Variants in RBFOX1 observed in about 807,000 individuals in gnomAD.
RBFOX1 encodes the protein RNA binding protein fox-1 homolog 1.
A neutral mutation model predicts 57.7 loss-of-function variants in RBFOX1; 8 were observed. The ratio of observed to expected loss-of-function variants is 0.14; its 90% CI spans 0.08 to 0.25. RBFOX1 has a LOEUF of 0.25. RBFOX1 is among the 10% of genes least tolerant of loss of function. RBFOX1 has a pLI of 1.00. For synonymous variants in RBFOX1, 326 were observed against 222.4 expected (o/e 1.47, Z -4.15); for missense variants, 611 against 548.5 (o/e 1.11, Z -1.14).
In RBFOX1 at chr16:6,882,342, C is replaced by T. The variant is rs374751995; in HGVS notation, c.-15-169715C>T. Among the ~76,000 whole-genome samples the T allele has an allele frequency of 9.2e-5, 14 of 152,254 alleles. 2 individuals carry two copies. Among genetic ancestry groups the T allele is most frequent in the East Asian group, 1.9e-4 (1 of 5,162 alleles). ...TGTTTGCAATTCTGGCTACTTTTAG[C>T]AGTGAGCAGTATAATTACAGTTTAG... On this transcript the variant is annotated intron_variant, in intron 3 of 15. Transcript: ENST00000550418.
intron 1 of RBFOX1, among the ~76,000 whole-genome samples, chr16:5,408,114 T>G (rs772316965): frequency 3.3e-5 from 5 of 152,166 alleles, no homozygotes; most frequent in Non-Finnish European, 5.9e-5. Context: ...CACACGTTCC[T>G]CCTCCTGTCC....
chr16:6,079,520 T>A (rs955534516), intron 1 of RBFOX1, among the ~76,000 whole-genome samples: 1 of 152,148 alleles, frequency 6.6e-6, no homozygotes, highest in Non-Finnish European at 1.5e-5. Context: ...GATGAGGTCT[T>A]GCTGTGTTGT....
At chr16:6,952,723 A>G (rs2081018224) in intron 3 of RBFOX1, among the ~76,000 whole-genome samples, 1 of 152,164 alleles carries the variant, frequency 6.6e-6, no homozygotes, top group African/African-American at 2.4e-5. Context: ...CATGCCTGTC[A>G]GCTCAGCACT....
intron 4 of RBFOX1, among the ~76,000 whole-genome samples, chr16:7,373,229 G>T (rs1164718221): frequency 1.3e-5 from 2 of 152,116 alleles, no homozygotes; most frequent in Non-Finnish European, 2.9e-5. Flanking sequence ...CACCGCGTCT[G>T]GCTGAAATTG....
intron 4 of RBFOX1, among the ~76,000 whole-genome samples, chr16:7,386,499 G>A (rs2097884984): frequency 6.6e-6 from 1 of 151,560 alleles, no homozygotes; most frequent in African/African-American, 2.4e-5. Context: ...TCTTGTGTTA[G>A]TTTGATGAGA....
At chr16:6,611,144 G>A (rs1320530506) in intron 2 of RBFOX1, among the ~76,000 whole-genome samples, 1 of 152,022 alleles carries the variant, frequency 6.6e-6, no homozygotes, top group Non-Finnish European at 1.5e-5. Context: ...TAGTCTTTGT[G>A]TAGTTATTTT....
intron 10 of RBFOX1, among the ~76,000 whole-genome samples, chr16:7,609,853 T>C (rs947124002): frequency 1.3e-5 from 2 of 152,062 alleles, no homozygotes; most frequent in African/African-American, 4.8e-5. Context: ...AGTTTTGCTC[T>C]GTCTCCCAGG....
chr16:5,712,989 T>C (rs1325131552), intron 3 of RBFOX1, among the ~76,000 whole-genome samples: 1 of 152,178 alleles, frequency 6.6e-6, no homozygotes, highest in East Asian at 1.9e-4. Flanking sequence ...TAGTAGTACA[T>C]GCTGGTGGTT....
intron 4 of RBFOX1, among the ~76,000 whole-genome samples, chr16:7,078,863 C>CT (rs57410575): frequency 0.061 from 3,211 of 52,616 alleles, 760 homozygotes; most frequent in African/African-American, 0.18. Flanking sequence ...ATATATATAC[C>CT]TTTTTTTTTT....
intron 2 of RBFOX1, among the ~76,000 whole-genome samples, chr16:6,417,499 C>A (rs550686457): frequency 2.8e-5 from 4 of 143,620 alleles, no homozygotes; most frequent in African/African-American, 1.0e-4. Flanking sequence ...AAGCAATTCT[C>A]CTGCCTCAGC....
At chr16:6,996,681 G>T (rs933275651) in intron 3 of RBFOX1, among the ~76,000 whole-genome samples, 4 of 152,210 alleles carry the variant, frequency 2.6e-5, no homozygotes, top group African/African-American at 9.6e-5. Context: ...GAGGTAGTAA[G>T]TGGCAGGATT....
chr16:6,230,719 G>A (rs2097452681), intron 1 of RBFOX1, among the ~76,000 whole-genome samples: 2 of 152,150 alleles, frequency 1.3e-5, no homozygotes, highest in South Asian at 4.1e-4. Context: ...TATCTTATGC[G>A]GATAGCTTAA....
At chr16:6,238,964 C>G (rs1017859137) in intron 1 of RBFOX1, among the ~76,000 whole-genome samples, 2 of 152,096 alleles carry the variant, frequency 1.3e-5, no homozygotes, top group African/African-American at 4.8e-5. Flanking sequence ...CATAGTCACC[C>G]TGTTGTGCTG....
chr16:7,156,921 A>G (rs1456698699), intron 4 of RBFOX1, among the ~76,000 whole-genome samples: 1 of 152,144 alleles, frequency 6.6e-6, no homozygotes, highest in Non-Finnish European at 1.5e-5. Context: ...ACATTCCTAT[A>G]ATATATGTGA....
chr16:5,535,604 A>T (rs556250396), intron 2 of RBFOX1, among the ~76,000 whole-genome samples: 2 of 152,134 alleles, frequency 1.3e-5, no homozygotes, highest in Non-Finnish European at 2.9e-5. Context: ...CCACTGGGTC[A>T]TGCTTCTCTT....
chr16:6,089,861 A>G (rs1263887493), intron 1 of RBFOX1, among the ~76,000 whole-genome samples: 1 of 152,242 alleles, frequency 6.6e-6, no homozygotes, highest in African/African-American at 2.4e-5. Flanking sequence ...TTAAGAACAC[A>G]CAAACTCAAA....
chr16:6,470,699 AC>A (rs1271012095), intron 2 of RBFOX1, among the ~76,000 whole-genome samples: 15 of 152,196 alleles, frequency 9.9e-5, no homozygotes, highest in African/African-American at 3.6e-4. Context: ...ATGCCCCTGA[AC>A]CTGGTCATCG....
intron 2 of RBFOX1, among the ~76,000 whole-genome samples, chr16:6,347,201 C>T (rs1258884807): frequency 6.6e-6 from 1 of 152,070 alleles, no homozygotes; most frequent in East Asian, 1.9e-4. Flanking sequence ...CAAGAGTTTC[C>T]TGGAATAGTA....
intron 3 of RBFOX1, among the ~76,000 whole-genome samples, chr16:6,826,364 A>C (rs1213528175): frequency 6.6e-6 from 1 of 152,136 alleles, no homozygotes; most frequent in Non-Finnish European, 1.5e-5. Context: ...AGAAAAAGGG[A>C]GGGGTGCTTA....
Sources: allele counts gnomAD v4.1 joint callset (sites outside exome capture counted in the v4.1 genomes callset), GRCh38; gene constraint gnomAD v4.1.1; transcripts MANE v1.5; gene names NCBI Gene and HGNC (gene_info 2026-07-23, HGNC 2026-07-21).